The following PRR14L variants were observed in gnomAD, a reference collection of about 807,000 sequenced individuals.
The protein encoded by PRR14L is proline rich 14 like.
PRR14L carries 80 observed loss-of-function variants against 155.0 expected under a neutral mutation model. The observed-to-expected ratio is 0.52, with a 90% CI of 0.43 to 0.62. The LOEUF (loss-of-function observed/expected upper bound fraction) is 0.62, where lower values mean the gene tolerates loss of function less well. PRR14L is among the 20% of genes least tolerant of loss of function. PRR14L has a pLI of 0.00. For synonymous variants in PRR14L, 883 were observed against 916.0 expected, an observed-to-expected ratio of 0.96 and a Z score of 0.65; for missense variants, 2,469 against 2,548.0, an observed-to-expected ratio of 0.97 and a Z score of 0.67.
intron 1 of PRR14L, 27 bp from the exon 2 acceptor site, chr22:31,738,938 A>C: frequency 1.9e-6 from 2 of 1,054,434 alleles, no homozygotes; most frequent in Non-Finnish European, 2.7e-6. Flanking sequence ...GAAGGGATAA[A>C]AGTTTAAAAC....
At chr22:31,709,364 T>C (rs895949875) in intron 4 of PRR14L, among the ~76,000 whole-genome samples, 1 of 151,124 alleles carries the variant, frequency 6.6e-6, no homozygotes, top group Admixed American at 6.6e-5. Context: ...GGGATCCTCC[T>C]GACTCAGCCT....
At chr22:31,745,861 AAT>A (rs1398926635) in intron 1 of PRR14L, among the ~76,000 whole-genome samples, 53 of 132,338 alleles carry the variant, frequency 4.0e-4, no homozygotes, top group Non-Finnish European at 5.9e-4. Context: ...AAAAAAAAAA[AAT>A]ATATATATAT....
Position 31,685,371 on chromosome 22 carries a change from T to C in PRR14L, c.*156A>G, listed in dbSNP as rs1261585786. ...TTTCTAAAAAGGTTGCACCTTGAAA[T>C]AGGTAAAAATTCATGGACTGTGCAT... is the stretch of plus-strand genomic sequence containing the variant. On this transcript the variant is annotated 3_prime_UTR_variant, in exon 9 of 9. Coordinates refer to ENST00000327423, the MANE Select transcript of PRR14L (RefSeq NM_173566.3). 3.8e-5 allele frequency: 24 copies of C among 628,386 alleles called. No homozygotes were observed. In the East Asian group the frequency reaches 6.4e-4, roughly 17 times the overall value. The allele number at this position is 628,386 out of a possible 1,614,324, so 38.9% of individuals were successfully genotyped here. A position where few individuals can be genotyped will look rare whatever the true frequency, so the allele number is the denominator to read the frequency against.
At chr22:31,744,801 A>G (rs2074829319) in intron 1 of PRR14L, among the ~76,000 whole-genome samples, 1 of 152,180 alleles carries the variant, frequency 6.6e-6, no homozygotes, top group Non-Finnish European at 1.5e-5. Context: ...ATACGGTCAT[A>G]CACAAATACA....
chr22:31,696,147 T>A (rs1601493692), intron 7 of PRR14L, among the ~76,000 whole-genome samples: 1 of 95,940 alleles, frequency 1.0e-5, no homozygotes, highest in Non-Finnish European at 2.0e-5. Context: ...ATTATTATAA[T>A]TTTTTTTTTT....
In PRR14L at chr22:31,704,850, G is replaced by A. The variant is rs190854664; in HGVS notation, c.5757-124C>T. ...GAAGACAAGAAATGTCAGTTACTCA[G>A]AAAGAGGAAAGCTTTCCAACCAGGA... is the stretch of plus-strand genomic sequence containing the variant. On this transcript the variant is annotated intron_variant, in intron 4 of 8. Coordinates refer to ENST00000327423, the MANE Select transcript of PRR14L (RefSeq NM_173566.3). 1.6e-3 allele frequency: 1,049 copies of A among 638,850 alleles called. 5 individuals are homozygous for A. Among genetic ancestry groups the A allele is most frequent in the Admixed American group, 2.7e-3 (97 of 36,322 alleles). 39.6% of individuals were successfully genotyped at this position (638,850 alleles called of 1,614,324 possible).
In PRR14L at chr22:31,704,668, C is replaced by A. The variant is rs376269645; in HGVS notation, c.5815G>T (p.Gly1939Cys). The stretch of plus-strand genomic sequence containing the variant: ...TCATGTGCTTACCTCGTCTGACTGC[C>A]GCTGGTGTTATATGTAGCTTCCATG... ...PGMEATYNTS[G>C]SQTRLEPPFP... The change falls in exon 5 of 9, where the codon GGC becomes TGC. Residue 1939 changes from glycine (G) to cysteine (C), a missense_variant. This residue lies in a region of PRR14L where 2,363 missense variants were observed against 2,371.6 expected (regional missense o/e 1.00). Transcript: ENST00000327423. 6.2e-7 allele frequency: 1 copy of A among 1,613,772 alleles called. No individual in the cohort carries two copies. Among genetic ancestry groups the A allele is most frequent in the Non-Finnish European group, 8.5e-7 (1 of 1,179,834 alleles).
Position 31,715,786 on chromosome 22 carries a change from C to T in PRR14L, c.2053G>A (p.Asp685Asn). The T allele has an allele frequency of 6.4e-7, 1 of 1,551,834 alleles. No homozygotes were observed. The highest frequency in any genetic ancestry group is 8.7e-7 in the Non-Finnish European group (1 of 1,146,968). ...GGAGGGTGATGGCTCTGATGGGCATCTCTGCCTGTTGCTAAAGGCATCTCT... is the reference window on the plus strand; with the variant it reads ...GGAGGGTGATGGCTCTGATGGGCATTTCTGCCTGTTGCTAAAGGCATCTCT... ...NKEMPLATGR[D>N]AHQSHHPPLE... Residue 685 changes from aspartate (D) to asparagine (N), a missense_variant, in exon 4 of 9, where the codon GAT becomes AAT. Asp to Asn is a conservative substitution (Grantham distance 23). Coordinates refer to ENST00000327423, the MANE Select transcript of PRR14L (RefSeq NM_173566.3).
At chr22:31,743,178 T>C (rs145033839) in intron 1 of PRR14L, among the ~76,000 whole-genome samples, 2,025 of 152,220 alleles carry the variant, frequency 0.013, 13 homozygotes, top group Middle Eastern at 0.031. Context: ...GGCACGCGCC[T>C]GTAGTCCCAG....
Position 31,738,472 on chromosome 22 carries a change from C to T in PRR14L, c.389G>A (p.Gly130Glu), listed in dbSNP as rs1440970292. Residue 130 changes from glycine to glutamate, a missense_variant, in exon 2 of 9, where the codon GGA becomes GAA. By Grantham distance (98) the Gly-to-Glu change is moderately conservative. Around this residue, in one of 2 missense-constraint regions of PRR14L, gnomAD observed 2,363 missense variants for 2,371.6 expected, o/e 1.00. Coordinates refer to ENST00000327423, the MANE Select transcript of PRR14L (RefSeq NM_173566.3). ...TCCCTCAGAGGGTTCTCTTATAATTCCTGCCTGGCCCCCTGGATCTCTGAA... is the reference window on the plus strand; with the variant it reads ...TCCCTCAGAGGGTTCTCTTATAATTTCTGCCTGGCCCCCTGGATCTCTGAA... ...KVFRDPGGQA[G>E]IIREPSEGAK... The T allele has an allele frequency of 6.4e-7, 1 of 1,552,156 alleles. No homozygotes were observed. Among genetic ancestry groups the T allele is most frequent in the African/African-American group, 1.4e-5 (1 of 73,160 alleles).
At chr22:31,747,973 A>C (rs552644350) in intron 1 of PRR14L, among the ~76,000 whole-genome samples, 1 of 151,906 alleles carries the variant, frequency 6.6e-6, no homozygotes, top group African/African-American at 2.4e-5. Context: ...GAGGTACAAA[A>C]TTTACAGCAA....
intron 3 of PRR14L, among the ~76,000 whole-genome samples, chr22:31,719,023 A>G (rs2074675922): frequency 6.6e-6 from 1 of 151,846 alleles, no homozygotes; most frequent in Non-Finnish European, 1.5e-5. Flanking sequence ...GCAGTGAGCC[A>G]AGATCATGCC....
intron 2 of PRR14L, among the ~76,000 whole-genome samples, chr22:31,728,095 A>G (rs553587230): frequency 2.0e-5 from 3 of 152,108 alleles, no homozygotes; most frequent in Non-Finnish European, 4.4e-5. Context: ...CAACCTCCAG[A>G]TCCAGTGGGA....
chr22:31,716,275 C>T lies in PRR14L; in HGVS notation c.1564G>A (p.Gly522Arg), dbSNP rs1211508847. The change falls in exon 4 of 9, where the codon GGA (glycine) becomes AGA (arginine). Residue 522 changes from glycine (G) to arginine (R), a missense_variant. By Grantham distance (125) the Gly-to-Arg change is moderately radical. Coordinates refer to ENST00000327423, the MANE Select transcript of PRR14L (RefSeq NM_173566.3). ...TTGGGCTCTACAGGGGTTGTCTGTC[C>T]TGCCTCTTCAATCTGCATCAAGGAG... is the stretch of plus-strand genomic sequence containing the variant. ...FSSLMQIEEA[G>R]QTTPVEPNIL... 1.3e-6 allele frequency: 2 copies of T among 1,551,622 alleles called. No homozygotes were observed. Among genetic ancestry groups the T allele is most frequent in the Admixed American group, 2.0e-5 (1 of 50,998 alleles).
intron 7 of PRR14L, among the ~76,000 whole-genome samples, chr22:31,701,009 C>T (rs979750907): frequency 3.3e-5 from 5 of 149,258 alleles, no homozygotes; most frequent in Non-Finnish European, 7.4e-5. Context: ...TTTTTTGAGA[C>T]GGAGTTTTGC....
Position 31,715,759 on chromosome 22 carries a change from A to G in PRR14L, c.2080T>C (p.Leu694=), listed in dbSNP as rs1391794374. The change falls in exon 4 of 9, where the codon TTA becomes CTA. Residue 694 remains leucine, a synonymous_variant. Coordinates refer to ENST00000327423, the MANE Select transcript of PRR14L (RefSeq NM_173566.3). ...GCAATGACATCTGCTCTACCCTCTA[A>G]TGGAGGGTGATGGCTCTGATGGGCA... ...RDAHQSHHPP[L]EGRADVIADI... 2 of 1,548,992 alleles carry G rather than the reference A, an allele frequency of 1.3e-6. No individual in the cohort carries two copies. Among genetic ancestry groups the G allele is most frequent in the Admixed American group, 3.9e-5 (2 of 50,998 alleles).
chr22:31,701,352 G>C (rs956663860), intron 7 of PRR14L, among the ~76,000 whole-genome samples: 16 of 152,168 alleles, frequency 1.1e-4, no homozygotes, highest in African/African-American at 3.9e-4. Context: ...TTAGTGCACA[G>C]AGTATTTAGG....
chr22:31,692,669 T>A (rs1039635779), intron 7 of PRR14L, among the ~76,000 whole-genome samples: 1 of 152,204 alleles, frequency 6.6e-6, no homozygotes, highest in Non-Finnish European at 1.5e-5. Context: ...GGGGAGACAG[T>A]CTCACTCTCT....
intron 1 of PRR14L, among the ~76,000 whole-genome samples, chr22:31,744,143 T>C (rs2074826199): frequency 6.6e-6 from 1 of 151,508 alleles, no homozygotes; most frequent in South Asian, 2.1e-4. Context: ...ATTTTTTTTT[T>C]TTTTTTGGGA....
Sources: gnomAD v4.1 joint callset for allele counts (sites outside exome capture counted in the v4.1 genomes callset) on GRCh38, gnomAD v4.1.1 for gene constraint, gnomAD v4.1.1 regional missense constraint, MANE v1.5 for transcripts, NCBI Gene and HGNC (gene_info 2026-07-23, HGNC 2026-07-21) for gene names.